Variants in PATJ observed in about 807,000 individuals in gnomAD.
PATJ encodes PATJ crumbs cell polarity complex component.
A neutral mutation model predicts 224.9 loss-of-function variants in PATJ; 190 were observed. The observed-to-expected ratio is 0.84, with a 90% CI of 0.75 to 0.95. The LOEUF (loss-of-function observed/expected upper bound fraction) is 0.95, where lower values mean the gene tolerates loss of function less well. Ranked by LOEUF, PATJ falls within the 40% of genes least tolerant of loss-of-function variation. PATJ has a pLI of 0.00. For missense variants in PATJ, 2,121 were observed against 2,270.3 expected, an observed-to-expected ratio of 0.93 and a Z score of 1.34; for synonymous variants, 769 against 820.3, an observed-to-expected ratio of 0.94 and a Z score of 1.07.
chr1:61,894,771 A>G (rs1056643509), intron 22 of PATJ, among the ~76,000 whole-genome samples: 1 of 152,244 alleles, frequency 6.6e-6, no homozygotes, highest in Non-Finnish European at 1.5e-5. Context: ...CTGAAAATGT[A>G]GAAGCGACTT....
chr1:61,750,676 G>A (rs1645274227), intron 1 of PATJ, among the ~76,000 whole-genome samples: 1 of 151,726 alleles, frequency 6.6e-6, no homozygotes. Flanking sequence ...CCCAACCTCA[G>A]GTGTTCTGCC....
chr1:61,857,541 A>G (rs1437341005), intron 18 of PATJ, among the ~76,000 whole-genome samples: 2 of 152,218 alleles, frequency 1.3e-5, no homozygotes, highest in Non-Finnish European at 1.5e-5. Flanking sequence ...CATGTCTGAA[A>G]CAGATAGCTT....
At position 61,769,319 on chromosome 1, in the gene PATJ, T is replaced by G. The variant is rs1284127365; in HGVS notation, c.421T>G (p.Ser141Ala). ...QIEYIDIERP[S>A]TGGLGFSVVA... The stretch of plus-strand genomic sequence containing the variant: ...TGAATATATAGATATAGAACGGCCT[T>G]CAACTGGAGGCCTTGGATTCAGTGT... Residue 141 changes from serine (S) to alanine (A), a missense_variant, in exon 5 of 44, where the codon TCA (serine) becomes GCA (alanine). Physicochemically the swap from Ser to Ala is moderately conservative, Grantham distance 99. Coordinates refer to ENST00000642238, the MANE Select transcript of PATJ (RefSeq NM_001350145.3). The G allele has an allele frequency of 1.2e-6, 2 of 1,613,764 alleles. No individual in the cohort carries two copies. The highest frequency in any genetic ancestry group is 1.7e-6 in the Non-Finnish European group (2 of 1,179,898).
rs140236785 is a variant in PATJ, at chr1:61,772,942, T to A, written c.720+1316T>A. Among the ~76,000 whole-genome samples, 33 of 152,350 alleles carry A rather than the reference T, an allele frequency of 2.2e-4. No homozygotes were observed. The East Asian group carries it at 4.8e-3, about 22-fold the overall frequency. ...CTGAATATTGGCTGCTATCAGCTGG[T>A]ATTGTCAGGCACATTATTTTAGCAA... On this transcript the variant is annotated intron_variant, in intron 6 of 43. Transcript: ENST00000642238.
At chr1:62,139,639 A>G (rs1002138745) in intron 41 of PATJ, among the ~76,000 whole-genome samples, 1 of 152,008 alleles carries the variant, frequency 6.6e-6, no homozygotes, top group Non-Finnish European at 1.5e-5. Flanking sequence ...CCCCTTTCAC[A>G]AGTCAAAGCC....
chr1:61,979,375 C>T (rs893481959), intron 27 of PATJ, among the ~76,000 whole-genome samples: 8 of 152,018 alleles, frequency 5.3e-5, no homozygotes, highest in African/African-American at 1.7e-4. Flanking sequence ...ACAGATTAGG[C>T]CAGGCGCGGT....
In PATJ at chr1:62,161,212, T is replaced by G. The variant is rs981720035; in HGVS notation, c.*158T>G. The G allele has an allele frequency of 4.1e-6, 2 of 489,954 alleles. No individual in the cohort carries two copies. Among genetic ancestry groups the G allele is most frequent in the African/African-American group, 3.9e-5 (2 of 50,764 alleles). The allele number at this position is 489,954 out of a possible 1,614,324, so 30.4% of individuals were successfully genotyped here. A position where few individuals can be genotyped will look rare whatever the true frequency, so the allele number is the denominator to read the frequency against. On this transcript the variant is annotated 3_prime_UTR_variant, in exon 44 of 44. Transcript: ENST00000642238. The stretch of plus-strand genomic sequence containing the variant: ...AGAAATGGCTGAGGTTTCATGTGAA[T>G]TTCCCAAATCAACAATCATCTCCTA...
At chr1:61,784,626 A>T (rs1310971730) in intron 7 of PATJ, among the ~76,000 whole-genome samples, 1 of 152,236 alleles carries the variant, frequency 6.6e-6, no homozygotes, top group Non-Finnish European at 1.5e-5. Context: ...TTCTTTGGCC[A>T]AGCCAAGTAT....
intron 41 of PATJ, among the ~76,000 whole-genome samples, chr1:62,137,868 T>C (rs952081128): frequency 6.6e-6 from 1 of 152,030 alleles, no homozygotes; most frequent in East Asian, 1.9e-4. Flanking sequence ...GGTGGGGGGA[T>C]CTCCTCCTTC....
intron 27 of PATJ, among the ~76,000 whole-genome samples, chr1:61,968,121 AG>A (rs1480329493): frequency 6.6e-6 from 1 of 152,198 alleles, no homozygotes; most frequent in Non-Finnish European, 1.5e-5. Flanking sequence ...CTCTGTGGGA[AG>A]GGTGTGAATG....
intron 10 of PATJ, 102 bp downstream of exon 10, chr1:61,795,660 A>G: frequency 1.7e-6 from 1 of 589,020 alleles, no homozygotes. Flanking sequence ...ATAGTTTTAT[A>G]AGGTTTTTTA....
chr1:61,823,482 C>G (rs554564815), intron 15 of PATJ, among the ~76,000 whole-genome samples: 21 of 152,374 alleles, frequency 1.4e-4, no homozygotes, highest in African/African-American at 4.6e-4. Flanking sequence ...CTTGGGACTT[C>G]TCCCTCAAAA....
At chr1:62,076,246 A>G (rs1045488086) in intron 31 of PATJ, among the ~76,000 whole-genome samples, 5 of 151,974 alleles carry the variant, frequency 3.3e-5, no homozygotes, top group African/African-American at 1.2e-4. Context: ...AACAAAAAAC[A>G]AAAAAAACCT....
intron 27 of PATJ, among the ~76,000 whole-genome samples, chr1:61,943,580 C>T (rs10047078): frequency 2.0e-5 from 3 of 152,136 alleles, no homozygotes; most frequent in South Asian, 2.1e-4. Flanking sequence ...TAAATGAAGC[C>T]GCCGGGAAGC....
At chr1:61,871,523 A>G (rs1666569446) in intron 20 of PATJ, among the ~76,000 whole-genome samples, 1 of 122,548 alleles carries the variant, frequency 8.2e-6, no homozygotes, top group Non-Finnish European at 1.7e-5. Context: ...ATATATATAA[A>G]TATGTGTGTG....
chr1:62,008,677 C>T lies in PATJ; in HGVS notation c.3868-9179C>T, dbSNP rs575762991. Among the ~76,000 whole-genome samples the T allele has an allele frequency of 3.0e-4, 46 of 152,104 alleles. No individual in the cohort carries two copies. In the South Asian group the frequency reaches 8.5e-3, roughly 28 times the overall value. On this transcript the variant is annotated intron_variant, in intron 28 of 43. Transcript: ENST00000642238. ...GGTGGGAGGATTGTTTGAGTCTGGG[C>T]GGTCAAGGCTGCAGTGAGCCATGAT...
chr1:62,046,371 C>T (rs1204536502), intron 30 of PATJ, among the ~76,000 whole-genome samples: 2 of 152,194 alleles, frequency 1.3e-5, no homozygotes, highest in Non-Finnish European at 2.9e-5. Context: ...GACTTTAGCT[C>T]TCCTAGAAAG....
chr1:61,812,433 A>AGAGAGAGAGTGTGTGTGTGTGTGT (rs1397549346), intron 14 of PATJ, among the ~76,000 whole-genome samples: 132 of 85,152 alleles, frequency 1.6e-3, no homozygotes, highest in Non-Finnish European at 2.4e-3. Context: ...AGAGAGAGAG[A>AGAGAGAGAGTGTGTGTGTGTGTGT]GTGTGTGTGT....
At chr1:61,950,404 T>C (rs898741749) in intron 27 of PATJ, among the ~76,000 whole-genome samples, 1 of 152,184 alleles carries the variant, frequency 6.6e-6, no homozygotes, top group African/African-American at 2.4e-5. Context: ...TCTCATTTGA[T>C]GTTCAGGGCC....
Sources: gnomAD v4.1 joint callset for allele counts (sites outside exome capture counted in the v4.1 genomes callset) on GRCh38, gnomAD v4.1.1 for gene constraint, MANE v1.5 for transcripts, NCBI Gene and HGNC (gene_info 2026-07-23, HGNC 2026-07-21) for gene names.